CCDC148: variants seen among roughly 807,000 people sequenced by gnomAD.
CCDC148 encodes coiled-coil domain containing 148.
A neutral mutation model predicts 85.7 loss-of-function variants in CCDC148; 89 were observed. The observed-to-expected ratio is 1.04, with a 90% CI of 0.87 to 1.24. CCDC148 has a LOEUF of 1.24. Ranked by LOEUF, CCDC148 falls within the 50% of genes most tolerant of loss-of-function variation. The probability of loss-of-function intolerance (pLI) is 0.00; values close to 1 mark genes in which losing one functional copy is unlikely to be tolerated. For missense variants in CCDC148, 692 were observed against 671.7 expected (o/e 1.03, Z -0.33); for synonymous variants, 230 against 213.9 (o/e 1.08, Z -0.66).
intron 10 of CCDC148, among the ~76,000 whole-genome samples, chr2:158,243,057 C>T (rs561369841): frequency 1.3e-5 from 2 of 152,170 alleles, no homozygotes; most frequent in South Asian, 2.1e-4. Flanking sequence ...TCTTAAAATG[C>T]CGTCTGTCTT....
intron 10 of CCDC148, among the ~76,000 whole-genome samples, chr2:158,230,035 C>A (rs1687774069): frequency 6.6e-6 from 1 of 152,178 alleles, no homozygotes; most frequent in African/African-American, 2.4e-5. Flanking sequence ...ATCAAATATC[C>A]TTTCCAATCA....
chr2:158,224,803 G>A (rs1191565176), intron 10 of CCDC148, among the ~76,000 whole-genome samples: 4 of 152,130 alleles, frequency 2.6e-5, no homozygotes, highest in African/African-American at 7.2e-5. Flanking sequence ...CCTAAAGGAA[G>A]CACTAAACAT....
chr2:158,372,613 C>T (rs947401380), intron 1 of CCDC148, among the ~76,000 whole-genome samples: 4 of 151,978 alleles, frequency 2.6e-5, no homozygotes, highest in African/African-American at 7.2e-5. Context: ...TTACGCCTAA[C>T]CTCTCTGACA....
At chr2:158,430,019 A>G (rs994490845) in intron 1 of CCDC148, among the ~76,000 whole-genome samples, 23 of 152,198 alleles carry the variant, frequency 1.5e-4, no homozygotes, top group Non-Finnish European at 5.9e-5. Flanking sequence ...ATCAGTTCAT[A>G]AATCTGCATG....
chr2:158,437,904 A>T (rs2105339319), intron 1 of CCDC148, among the ~76,000 whole-genome samples: 1 of 152,320 alleles, frequency 6.6e-6, no homozygotes, highest in Admixed American at 6.5e-5. Context: ...ATACCTAGGA[A>T]TCCAACTTAC....
intron 11 of CCDC148, among the ~76,000 whole-genome samples, chr2:158,202,210 C>T (rs566389237): frequency 1.1e-3 from 166 of 152,248 alleles, no homozygotes; most frequent in Non-Finnish European, 1.8e-3. Context: ...CATACACATA[C>T]GCACAATCAC....
At chr2:158,424,387 A>T (rs1456183011) in intron 1 of CCDC148, among the ~76,000 whole-genome samples, 1 of 152,220 alleles carries the variant, frequency 6.6e-6, no homozygotes, top group Non-Finnish European at 1.5e-5. Flanking sequence ...CTATGCAGCC[A>T]TAAAAAAGGA....
chr2:158,300,091 T>A (rs541270981), intron 9 of CCDC148, among the ~76,000 whole-genome samples: 1 of 152,336 alleles, frequency 6.6e-6, no homozygotes, highest in East Asian at 1.9e-4. Flanking sequence ...TAAAACTACA[T>A]TTGGCATCTC....
intron 1 of CCDC148, among the ~76,000 whole-genome samples, chr2:158,433,703 G>C (rs1245222625): frequency 6.6e-6 from 1 of 152,172 alleles, no homozygotes; most frequent in Non-Finnish European, 1.5e-5. Flanking sequence ...GTGCAAGAGT[G>C]GGGGAATTCT....
chr2:158,433,087 A>AT lies in CCDC148; in HGVS notation c.25+23327_25+23328insA, dbSNP rs1242018411. Among the ~76,000 whole-genome samples the AT allele has an allele frequency of 7.9e-3, 407 of 51,562 alleles. 7 individuals are homozygous for AT. Among genetic ancestry groups the AT allele is most frequent in the South Asian group, 0.021 (22 of 1,026 alleles). 33.8% of individuals were successfully genotyped at this position (51,562 alleles called of 152,430 possible). ...ACCTCATCTCTACAAAAAAAAAAAAAAAAAATATATATATATATATATATG... is the reference window on the plus strand; with the variant it reads ...ACCTCATCTCTACAAAAAAAAAAAAATAAAAATATATATATATATATATATG... On this transcript the variant is annotated intron_variant, in intron 1 of 13. Coordinates refer to ENST00000283233, the MANE Select transcript of CCDC148 (RefSeq NM_138803.4).
At chr2:158,436,792 G>T (rs1054070441) in intron 1 of CCDC148, among the ~76,000 whole-genome samples, 1 of 152,076 alleles carries the variant, frequency 6.6e-6, no homozygotes, top group Non-Finnish European at 1.5e-5. Context: ...TGATAAAGGG[G>T]ATATCACCAC....
intron 13 of CCDC148, among the ~76,000 whole-genome samples, chr2:158,174,736 G>C (rs1040892205): frequency 6.6e-6 from 1 of 151,986 alleles, no homozygotes; most frequent in Non-Finnish European, 1.5e-5. Flanking sequence ...ATTACTGTAG[G>C]AAGTTGTAAC....
chr2:158,324,308 G>GA lies in CCDC148; in HGVS notation c.765-10415dup, dbSNP rs202156356. On this transcript the variant is annotated intron_variant, in intron 7 of 13. Coordinates refer to ENST00000283233, the MANE Select transcript of CCDC148 (RefSeq NM_138803.4). ...TAGATGTAACGCTTTCAGAAGGAAA[G>GA]AAAAAAAGAAAGTCCATGTTCTATA... 9.6e-3 allele frequency among the ~76,000 whole-genome samples: 1,455 copies of GA among 151,990 alleles called. 19 individuals carry two copies. The highest frequency in any genetic ancestry group is 0.032 in the African/African-American group (1,348 of 41,482).
chr2:158,324,020 G>A (rs1427225755), intron 7 of CCDC148, among the ~76,000 whole-genome samples: 3 of 144,310 alleles, frequency 2.1e-5, no homozygotes, highest in South Asian at 2.2e-4. Context: ...AGGCTCAAGC[G>A]ATTCTTCTGC....
intron 1 of CCDC148, 36 bp downstream of exon 1, chr2:158,456,379 G>A (rs925891930): frequency 6.2e-7 from 1 of 1,606,446 alleles, no homozygotes; most frequent in African/African-American, 1.3e-5. Context: ...GACGTCAGGA[G>A]GAAGCAGCGA....
At position 158,433,261 on chromosome 2, in the gene CCDC148, A is replaced by AATATATATATATATATATATATAT. The variant is rs375554012; in HGVS notation, c.25+23153_25+23154insATATATATATATATATATATATAT. On this transcript the variant is annotated intron_variant, in intron 1 of 13. Coordinates refer to ENST00000283233, the MANE Select transcript of CCDC148 (RefSeq NM_138803.4). Reference sequence around the variant, plus strand: ...GGCAACAGAGTAAGTCCTTGACTCAAATATATATATATATATAAAACAAAA... The same window carrying AATATATATATATATATATATATAT: ...GGCAACAGAGTAAGTCCTTGACTCAAATATATATATATATATATATATATATATATATATATATATAAAACAAAA... 8.2e-5 allele frequency among the ~76,000 whole-genome samples: 10 copies of AATATATATATATATATATATATAT among 122,588 alleles called. 1 individual carries two copies. The highest frequency in any genetic ancestry group is 4.9e-4 in the South Asian group (2 of 4,116). 80.4% of individuals were successfully genotyped at this position (122,588 alleles called of 152,430 possible).
In CCDC148 at chr2:158,251,846, A is replaced by C. The variant is rs536500245; in HGVS notation, c.1111-934T>G. On this transcript the variant is annotated intron_variant, in intron 9 of 13. Transcript: ENST00000283233. ...ATCTATGCATAGAAAGAGATTTGGA[A>C]GGGGACTTACCAAATAATGATATTG... Among the ~76,000 whole-genome samples, 3 of 151,964 alleles carry C rather than the reference A, an allele frequency of 2.0e-5. No individual in the cohort carries two copies. The South Asian group carries it at 6.2e-4, about 31-fold the overall frequency.
chr2:158,433,780 T>A (rs569186236), intron 1 of CCDC148, among the ~76,000 whole-genome samples: 1 of 152,314 alleles, frequency 6.6e-6, no homozygotes, highest in African/African-American at 2.4e-5. Flanking sequence ...ATCCTAATAC[T>A]GCGCTTTTCC....
intron 1 of CCDC148, among the ~76,000 whole-genome samples, chr2:158,423,679 C>T (rs1289590385): frequency 1.3e-5 from 2 of 152,138 alleles, no homozygotes; most frequent in Admixed American, 1.3e-4. Flanking sequence ...GACTAAAACA[C>T]CAAAAGCAAT....
Sources: allele counts gnomAD v4.1 joint callset (sites outside exome capture counted in the v4.1 genomes callset), GRCh38; gene constraint gnomAD v4.1.1; transcripts MANE v1.5; gene names NCBI Gene and HGNC (gene_info 2026-07-23, HGNC 2026-07-21).